The following ZNF730 variants were observed in gnomAD, a reference collection of about 807,000 sequenced individuals.
The protein encoded by ZNF730 is zinc finger protein 730, also known as putative zinc finger protein 730.
ZNF730 carries 12 observed loss-of-function variants against 12.6 expected under a neutral mutation model. The ratio of observed to expected loss-of-function variants is 0.95; its 90% CI spans 0.61 to 1.54. The LOEUF (loss-of-function observed/expected upper bound fraction) is 1.54, where lower values mean the gene tolerates loss of function less well. ZNF730 is among the 40% of genes most tolerant of loss of function. The probability of loss-of-function intolerance (pLI) is 0.00; values close to 1 mark genes in which losing one functional copy is unlikely to be tolerated. For missense variants in ZNF730, 643 were observed against 583.5 expected (o/e 1.10, Z -1.05); for synonymous variants, 194 against 195.8 (o/e 0.99, Z 0.08).
chr19:23,116,573 C>CTTTTTT (rs5827552), upstream of ZNF730, among the ~76,000 whole-genome samples: 12 of 86,914 alleles, frequency 1.4e-4, no homozygotes, highest in East Asian at 3.8e-4. Context: ...CTCCCAGCTA[C>CTTTTTT]TTTTTTTTTT....
chr19:23,122,608 T>C (rs1970613293), intron 1 of ZNF730, among the ~76,000 whole-genome samples: 1 of 152,232 alleles, frequency 6.6e-6, no homozygotes, highest in African/African-American at 2.4e-5. Context: ...GTACTTACAC[T>C]GCAAAGGCAA....
In ZNF730 at chr19:23,130,250, CA is replaced by C. The variant is rs113746931; in HGVS notation, c.4-3828del. 7.4e-3 allele frequency among the ~76,000 whole-genome samples: 1,126 copies of C among 152,200 alleles called. 10 individuals are homozygous for C. Among genetic ancestry groups the C allele is most frequent in the African/African-American group, 0.026 (1,068 of 41,530 alleles). On this transcript the variant is annotated intron_variant, in intron 1 of 3. Transcript: ENST00000597761. Reference sequence around the variant, plus strand: ...ACTTCAGAATATATAATGGTTGTAACAACGGGAGGTTTCCTGCACAAGCTCT... The same window carrying C: ...ACTTCAGAATATATAATGGTTGTAACACGGGAGGTTTCCTGCACAAGCTCT...
At chr19:23,127,693 C>A in intron 1 of ZNF730, 1 of 1,244,108 alleles carries the variant, frequency 8.0e-7, no homozygotes, top group South Asian at 1.2e-5. Flanking sequence ...CAGAAATGTC[C>A]ACCAGCAGAG....
chr19:23,079,778 CTCTA>C (rs1446854793), intron 1 of ZNF730, among the ~76,000 whole-genome samples: 1 of 152,170 alleles, frequency 6.6e-6, no homozygotes, highest in African/African-American at 2.4e-5. Flanking sequence ...TTCCACCTCT[CTCTA>C]GCTCCTGAAG....
At chr19:23,114,306 T>TTTC (rs1381004343), upstream of ZNF730, among the ~76,000 whole-genome samples, 219 of 52,134 alleles carry the variant, frequency 4.2e-3, 4 homozygotes, top group Non-Finnish European at 5.9e-3. Context: ...TTTTCTTTTC[T>TTTC]TTTTTTTTTT....
intron 1 of ZNF730, among the ~76,000 whole-genome samples, chr19:23,085,542 T>C (rs528347648): frequency 7.5e-6 from 1 of 133,418 alleles, no homozygotes; most frequent in Admixed American, 8.3e-5. Flanking sequence ...ATAGACAGAG[T>C]CTTGCTCTGT....
At chr19:23,130,297 A>G (rs1419101651) in intron 1 of ZNF730, among the ~76,000 whole-genome samples, 1 of 152,176 alleles carries the variant, frequency 6.6e-6, no homozygotes, top group Non-Finnish European at 1.5e-5. Flanking sequence ...GCCACTATCT[A>G]TGTAAAATGT....
chr19:23,085,417 C>T (rs1264246786), intron 1 of ZNF730, among the ~76,000 whole-genome samples: 1 of 145,554 alleles, frequency 6.9e-6, no homozygotes, highest in South Asian at 2.2e-4. Context: ...AGGCTGTTCT[C>T]GAACTCCTGA....
chr19:23,137,213 T>G (rs999867995), intron 3 of ZNF730, among the ~76,000 whole-genome samples: 12 of 152,210 alleles, frequency 7.9e-5, no homozygotes, highest in Admixed American at 7.9e-4. Flanking sequence ...ATATTTATTC[T>G]TTCCATTAAT....
intron 1 of ZNF730, among the ~76,000 whole-genome samples, chr19:23,100,751 G>A (rs574423143): frequency 3.5e-5 from 5 of 142,840 alleles, no homozygotes; most frequent in South Asian, 2.3e-4. Context: ...TGCCTCCTGG[G>A]TTCAAGCGAT....
At chr19:23,122,829 A>G in intron 1 of ZNF730, among the ~76,000 whole-genome samples, 1 of 152,368 alleles carries the variant, frequency 6.6e-6, no homozygotes, top group East Asian at 1.9e-4. Flanking sequence ...CTCTTGAAAT[A>G]TAAAGTGTTT....
At chr19:23,104,956 C>G (rs1459435938) in intron 1 of ZNF730, among the ~76,000 whole-genome samples, 1 of 152,018 alleles carries the variant, frequency 6.6e-6, no homozygotes, top group Non-Finnish European at 1.5e-5. Context: ...CTGTGCTCAG[C>G]TTTAGAAGGT....
chr19:23,093,229 G>T (rs1479496355), intron 1 of ZNF730, among the ~76,000 whole-genome samples: 2 of 152,170 alleles, frequency 1.3e-5, no homozygotes, highest in Admixed American at 1.3e-4. Flanking sequence ...ACTCGCCTTG[G>T]CCTCCCAAAG....
Position 23,132,000 on chromosome 19 carries a change from C to T in ZNF730, c.4-2080C>T, listed in dbSNP as rs1266171120. 2.7e-5 allele frequency among the ~76,000 whole-genome samples: 4 copies of T among 149,138 alleles called. No individual in the cohort carries two copies. In the East Asian group the frequency reaches 8.0e-4, roughly 30 times the overall value. ...CTGTTTGGGTTGCATAGGAACAGGGCAGTGTGGCCCACGTTTTTCTTAACT... is the reference window on the plus strand; with the variant it reads ...CTGTTTGGGTTGCATAGGAACAGGGTAGTGTGGCCCACGTTTTTCTTAACT... On this transcript the variant is annotated intron_variant, in intron 1 of 3. Coordinates refer to ENST00000597761, the MANE Select transcript of ZNF730 (RefSeq NM_001277403.2).
At chr19:23,138,065 C>T (rs1393659722) in intron 3 of ZNF730, among the ~76,000 whole-genome samples, 1 of 15,864 alleles carries the variant, frequency 6.3e-5, no homozygotes, top group African/African-American at 1.1e-4. Context: ...GGGCGGATCA[C>T]GAGGTCAGGA....
upstream of ZNF730, chr19:23,116,876 T>C (rs1416048746): frequency 1.7e-6 from 1 of 580,552 alleles, no homozygotes; most frequent in Non-Finnish European, 3.0e-6. Context: ...GCTGTCACTC[T>C]TCATTCAGTC....
intron 1 of ZNF730, among the ~76,000 whole-genome samples, chr19:23,130,306 G>A (rs1160723111): frequency 2.0e-5 from 3 of 152,268 alleles, no homozygotes; most frequent in African/African-American, 7.2e-5. Context: ...TATGTAAAAT[G>A]TGACTTGCTT....
At chr19:23,086,220 AT>A (rs1214599839) in intron 1 of ZNF730, among the ~76,000 whole-genome samples, 3 of 152,172 alleles carry the variant, frequency 2.0e-5, no homozygotes, top group Non-Finnish European at 2.9e-5. Flanking sequence ...CCTTTGACGG[AT>A]GCATAGTTTG....
intron 1 of ZNF730, among the ~76,000 whole-genome samples, chr19:23,130,153 G>C (rs935848021): frequency 2.6e-5 from 4 of 152,254 alleles, no homozygotes; most frequent in South Asian, 2.1e-4. Flanking sequence ...CAAGTCATGG[G>C]AAAAACACGG....
Sources: allele counts gnomAD v4.1 joint callset (sites outside exome capture counted in the v4.1 genomes callset), GRCh38; gene constraint gnomAD v4.1.1; transcripts MANE v1.5; gene names NCBI Gene and HGNC (gene_info 2026-07-23, HGNC 2026-07-21).